ELFN1: variants seen among roughly 807,000 people sequenced by gnomAD.
The protein encoded by ELFN1 is extracellular leucine rich repeat and fibronectin type III domain containing 1, also known as protein ELFN1.
In ELFN1, 6 loss-of-function variants were observed where a neutral mutation model predicts 7.6. That is an observed-to-expected ratio of 0.79 (90% CI 0.43 to 1.56). ELFN1 has a LOEUF of 1.56. Ranked by LOEUF, ELFN1 falls within the 40% of genes most tolerant of loss-of-function variation. The pLI is 0.01. For missense variants in ELFN1, 1,169 were observed against 1,232.2 expected, an observed-to-expected ratio of 0.95 and a Z score of 0.77; for synonymous variants, 657 against 588.1, an observed-to-expected ratio of 1.12 and a Z score of -1.70.
At chr7:1,738,837 C>T (rs1159962190) in intron 3 of ELFN1, 2 of 151,586 alleles carry the variant, frequency 1.3e-5, no homozygotes, top group East Asian at 3.9e-4. Flanking sequence ...GGAGCTCCAA[C>T]ATGAATTAAA....
At chr7:1,725,574 C>G (rs1780168907) in intron 3 of ELFN1, among the ~76,000 whole-genome samples, 1 of 152,202 alleles carries the variant, frequency 6.6e-6, no homozygotes, top group African/African-American at 2.4e-5. Context: ...TGCACTCACA[C>G]CCCAGTTGGG....
At chr7:1,727,537 C>T (rs993271868) in intron 3 of ELFN1, among the ~76,000 whole-genome samples, 1 of 152,156 alleles carries the variant, frequency 6.6e-6, no homozygotes, top group African/African-American at 2.4e-5. Flanking sequence ...TCTCCCCAGC[C>T]CCACTCAAGG....
intron 3 of ELFN1, among the ~76,000 whole-genome samples, chr7:1,719,094 A>G (rs1779924569): frequency 6.6e-6 from 1 of 151,872 alleles, no homozygotes; most frequent in Non-Finnish European, 1.5e-5. Flanking sequence ...AGGGGTTACC[A>G]ACAGGGCCCC....
At chr7:1,710,330 G>C (rs768517374) in intron 3 of ELFN1, among the ~76,000 whole-genome samples, 3 of 152,240 alleles carry the variant, frequency 2.0e-5, no homozygotes, top group Non-Finnish European at 4.4e-5. Context: ...CTCGTGGTCA[G>C]ATGGTTCCCC....
intron 3 of ELFN1, among the ~76,000 whole-genome samples, chr7:1,714,703 A>T (rs1779775819): frequency 6.6e-6 from 1 of 152,212 alleles, no homozygotes; most frequent in African/African-American, 2.4e-5. Flanking sequence ...CTGATCTGAG[A>T]CTTTCTTCTT....
chr7:1,702,531 C>T (rs1021108424), intron 2 of ELFN1, among the ~76,000 whole-genome samples: 4 of 150,216 alleles, frequency 2.7e-5, no homozygotes, highest in Admixed American at 1.3e-4. Context: ...ATTAGTTTGT[C>T]AAGTTCCACA....
In ELFN1 at chr7:1,740,655, T is replaced by C. The variant is rs1046470435; in HGVS notation, c.-293-3649T>C. On this transcript the variant is annotated intron_variant, in intron 3 of 3. Transcript: ENST00000424383. This position sits in a 1 kb window ranked among gnomAD's most constrained non-coding sequence, Gnocchi z 5.0. ...GTGCCAGGTCCGCAGCCTCTGCCCT[T>C]GGGGACTCCTGGACCCGGGCCACCC... 4.6e-5 allele frequency among the ~76,000 whole-genome samples: 7 copies of C among 152,110 alleles called. No homozygotes were observed. The highest frequency in any genetic ancestry group is 2.0e-4 in the Admixed American group (3 of 15,276).
chr7:1,691,205 G>A (rs543931100), intron 2 of ELFN1, among the ~76,000 whole-genome samples: 115 of 152,294 alleles, frequency 7.6e-4, no homozygotes, highest in African/African-American at 2.7e-3. Context: ...CTTCACATCT[G>A]CAGACAGCAG....
Position 1,745,902 on chromosome 7 carries a change from G to A in ELFN1, c.1306G>A (p.Val436Ile), listed in dbSNP as rs550324873. 1.2e-5 allele frequency: 19 copies of A among 1,584,994 alleles called. No homozygotes were observed. Among genetic ancestry groups the A allele is most frequent in the East Asian group, 6.9e-5 (3 of 43,204 alleles). ...CGGCATGGTGCTGGTGCTGGGCGCC[G>A]TCTACTACTGCCTGCGCAGGCGGCG... ...LFGMVLVLGA[V>I]YYCLRRRRRQ... is the part of the protein sequence containing the mutation. The change falls in exon 4 of 4, where the codon GTC (valine) becomes ATC (isoleucine). Residue 436 changes from valine (V) to isoleucine (I), a missense_variant. By Grantham distance (29) the Val-to-Ile change is conservative. Around this residue, in one of 2 missense-constraint regions of ELFN1, gnomAD observed 914 missense variants for 872.6 expected, o/e 1.05. Transcript: ENST00000424383.
intron 1 of ELFN1, among the ~76,000 whole-genome samples, chr7:1,681,804 A>G (rs1049028622): frequency 2.6e-5 from 4 of 152,216 alleles, no homozygotes; most frequent in Admixed American, 6.5e-5. Context: ...CGGATGTGTA[A>G]TGGTGTCCCA....
At position 1,696,056 on chromosome 7, in the gene ELFN1, G is replaced by A. The variant is rs377588208; in HGVS notation, c.-456+7906G>A. Reference sequence around the variant, plus strand: ...AGACAGCAGCACACATTGTCTCCCCGCCCTGAGACTGGAAGTCTGGGATCG... The same window carrying A: ...AGACAGCAGCACACATTGTCTCCCCACCCTGAGACTGGAAGTCTGGGATCG... On this transcript the variant is annotated intron_variant, in intron 2 of 3. Transcript: ENST00000424383. Among the ~76,000 whole-genome samples the A allele has an allele frequency of 2.1e-3, 318 of 152,260 alleles. 2 individuals carry two copies. Among genetic ancestry groups the A allele is most frequent in the South Asian group, 3.3e-3 (16 of 4,818 alleles).
intron 3 of ELFN1, among the ~76,000 whole-genome samples, chr7:1,711,311 A>G (rs1213055372): frequency 6.6e-6 from 1 of 152,126 alleles, no homozygotes; most frequent in Non-Finnish European, 1.5e-5. Flanking sequence ...TGAGGGAATG[A>G]ACCCAGGGTG....
chr7:1,676,832 T>A (rs182758544), intron 1 of ELFN1, among the ~76,000 whole-genome samples: 3 of 152,312 alleles, frequency 2.0e-5, no homozygotes, highest in Non-Finnish European at 4.4e-5. Flanking sequence ...GTCGGAGCTC[T>A]TGGGAAGAGT....
chr7:1,743,607 C>A (rs531522718), intron 3 of ELFN1, among the ~76,000 whole-genome samples: 1 of 152,150 alleles, frequency 6.6e-6, no homozygotes, highest in African/African-American at 2.4e-5. Context: ...GAGCTCAGAC[C>A]GAGACCTGGC....
At chr7:1,698,054 A>G (rs1398751780) in intron 2 of ELFN1, among the ~76,000 whole-genome samples, 4 of 152,142 alleles carry the variant, frequency 2.6e-5, no homozygotes, top group Non-Finnish European at 5.9e-5. Flanking sequence ...TCTAATAAAT[A>G]TTTCCAAATG....
intron 1 of ELFN1, among the ~76,000 whole-genome samples, chr7:1,683,020 A>G (rs1779000403): frequency 6.6e-6 from 1 of 152,138 alleles, no homozygotes; most frequent in African/African-American, 2.4e-5. Context: ...AATTCTACCT[A>G]TATTTATATG....
At position 1,744,383 on chromosome 7, in the gene ELFN1, G is replaced by C; in HGVS notation, c.-214G>C. The C allele has an allele frequency of 1.8e-6, 1 of 557,522 alleles. No homozygotes were observed. Among genetic ancestry groups the C allele is most frequent in the Non-Finnish European group, 3.1e-6 (1 of 325,380 alleles). The allele number at this position is 557,522 out of a possible 1,614,324, so 34.5% of individuals were successfully genotyped here. On this transcript the variant is annotated 5_prime_UTR_variant, in exon 4 of 4. Transcript: ENST00000424383. The stretch of plus-strand genomic sequence containing the variant: ...GGGGCAGGAGGCCTCGGTCACCACA[G>C]GACTGGGGCGGAAGACGAGAGGCGG...
chr7:1,684,683 C>A (rs1255178032), intron 1 of ELFN1, among the ~76,000 whole-genome samples: 2 of 152,160 alleles, frequency 1.3e-5, no homozygotes, highest in Non-Finnish European at 2.9e-5. Flanking sequence ...TTATTACCAT[C>A]TATTTTTCAT....
chr7:1,675,068 G>A (rs973154334), intron 1 of ELFN1, among the ~76,000 whole-genome samples: 1 of 51,758 alleles, frequency 1.9e-5, no homozygotes, highest in Non-Finnish European at 3.3e-5. Context: ...AGAGTGCCCT[G>A]GCCTTACCGA....
Sources: allele counts gnomAD v4.1 joint callset (sites outside exome capture counted in the v4.1 genomes callset), GRCh38; gene constraint gnomAD v4.1.1; regional missense constraint gnomAD v4.1.1; non-coding constraint Gnocchi (gnomAD v3.1); transcripts MANE v1.5; gene names NCBI Gene and HGNC (gene_info 2026-07-23, HGNC 2026-07-21).